INTS13: variants seen among roughly 807,000 people sequenced by gnomAD.
INTS13 encodes integrator complex subunit 13, also known as asunder, spermatogenesis regulator homolog (Drosphila).
Under a neutral mutation model 90.2 loss-of-function variants are expected in INTS13, and 35 were observed. That is an observed-to-expected ratio of 0.39 (90% CI 0.30 to 0.51). The LOEUF is 0.51. Among genes scored for constraint, INTS13 ranks in the 20% least tolerant of loss-of-function variants. The probability of loss-of-function intolerance (pLI) is 0.80; values close to 1 mark genes in which losing one functional copy is unlikely to be tolerated. For missense variants in INTS13, 601 were observed against 851.2 expected (o/e 0.71, Z 3.66); for synonymous variants, 309 against 277.1 (o/e 1.11, Z -1.14).
intron 1 of INTS13, among the ~76,000 whole-genome samples, chr12:26,937,438 T>C (rs557734292): frequency 1.8e-4 from 28 of 152,160 alleles, no homozygotes; most frequent in Non-Finnish European, 4.0e-4. Context: ...ATTTACCAGG[T>C]AGAGCAGAAA....
rs34036164 is a variant in INTS13 at position 26,913,597 on chromosome 12, T to A, written c.1665A>T (p.Glu555Asp). ...GTTTGCTCCTGCATGCCATCAGACATTCCAAGACTCTTTGATGTTTCTCTG... is the reference window on the plus strand; with the variant it reads ...GTTTGCTCCTGCATGCCATCAGACAATCCAAGACTCTTTGATGTTTCTCTG... The part of the protein sequence containing the change: ...NNSEKHQRVL[E>D]CLMACRSKPP... The change falls in exon 14 of 17, where the codon GAA becomes GAT. Residue 555 changes from glutamate (E) to aspartate (D), a missense_variant. By Grantham distance (45) the Glu-to-Asp change is conservative. Transcript: ENST00000261191. 1.0e-3 allele frequency: 1,632 copies of A among 1,614,146 alleles called. 3 individuals are homozygous for A. The African/African-American group carries it at 0.012, about 12-fold the overall frequency.
At chr12:26,936,489 G>T in intron 2 of INTS13, 90 bp downstream of exon 2, 1 of 944,078 alleles carries the variant, frequency 1.1e-6, no homozygotes, top group Non-Finnish European at 1.6e-6. Flanking sequence ...TAAACACACA[G>T]TCATTATCTA....
At chr12:26,938,312 G>C (rs926906085), upstream of INTS13, 1 of 152,246 alleles carries the variant, frequency 6.6e-6, no homozygotes, top group South Asian at 2.1e-4. Flanking sequence ...GGTTTCCCCT[G>C]GAAAAACTCG....
chr12:26,907,091 T>C (rs766519152), intron 15 of INTS13, among the ~76,000 whole-genome samples: 12 of 152,194 alleles, frequency 7.9e-5, no homozygotes, highest in Non-Finnish European at 1.6e-4. Flanking sequence ...CTAATTATAA[T>C]AGTCTCAGGC....
chr12:26,934,430 A>C, intron 3 of INTS13, 126 bp downstream of exon 3: 2 of 692,686 alleles, frequency 2.9e-6, no homozygotes, highest in Non-Finnish European at 5.0e-6. Flanking sequence ...AGCTGTTTTC[A>C]TATGACTTGG....
intron 14 of INTS13, among the ~76,000 whole-genome samples, chr12:26,911,908 A>C (rs1020972016): frequency 1.3e-5 from 2 of 152,224 alleles, no homozygotes; most frequent in African/African-American, 4.8e-5. Context: ...AGCAGCCCTA[A>C]GGAAAACATG....
intron 8 of INTS13, among the ~76,000 whole-genome samples, chr12:26,918,169 T>C (rs1951998085): frequency 6.6e-6 from 1 of 151,850 alleles, no homozygotes; most frequent in Non-Finnish European, 1.5e-5. Flanking sequence ...AAAATAATAA[T>C]AGAGCAAACT....
chr12:26,928,334 G>T, intron 4 of INTS13, 49 bp from the exon 5 acceptor site: 1 of 1,444,320 alleles, frequency 6.9e-7, no homozygotes, highest in South Asian at 1.2e-5. Flanking sequence ...AACAGTAACA[G>T]AAAAAATTCA....
chr12:26,922,085 T>C (rs745491119), intron 8 of INTS13, among the ~76,000 whole-genome samples: 10 of 152,258 alleles, frequency 6.6e-5, no homozygotes, highest in Non-Finnish European at 1.0e-4. Context: ...ATGTGAATCA[T>C]TCCTTTGTCC....
chr12:26,925,960 T>A, intron 5 of INTS13, 109 bp from the exon 6 acceptor site: 1 of 722,594 alleles, frequency 1.4e-6, no homozygotes, highest in Non-Finnish European at 2.3e-6. Flanking sequence ...TTGCTACAAT[T>A]AGATATTACT....
At position 26,914,039 on chromosome 12, in the gene INTS13, A is replaced by T; in HGVS notation, c.1509T>A (p.Asp503Glu). Residue 503 changes from aspartate (D) to glutamate (E), a missense_variant, in exon 13 of 17, where the codon GAT becomes GAA. By Grantham distance (45) the Asp-to-Glu change is conservative. Around this residue, in one of 3 missense-constraint regions of INTS13, gnomAD observed 228 missense variants for 272.5 expected, o/e 0.84. Coordinates refer to ENST00000261191, the MANE Select transcript of INTS13 (RefSeq NM_018164.3). ...GTAGAGGATCATTTTTTCTTTCCATATCAACTAAGTTGTATATTGTTTTTT... is the reference window on the plus strand; with the variant it reads ...GTAGAGGATCATTTTTTCTTTCCATTTCAACTAAGTTGTATATTGTTTTTT... ...NCQKTIYNLV[D>E]MERKNDPLPI... is the part of the protein sequence containing the mutation. The T allele has an allele frequency of 6.2e-7, 1 of 1,611,564 alleles. No homozygotes were observed. The highest frequency in any genetic ancestry group is 1.3e-5 in the African/African-American group (1 of 74,946).
Position 26,936,669 on chromosome 12 carries a change from G to C in INTS13, c.135C>G (p.Ala45=), listed in dbSNP as rs771046535. The part of the protein sequence containing the change: ...KNRTQGIIPL[A]PISKSLWTCS... ...AAGTCCACAATGATTTAGATATGGG[G>C]GCCAAAGGAATGATTCCTTGGGTTC... Residue 45 remains alanine (A), a synonymous_variant, in exon 2 of 17, where the codon GCC becomes GCG. Transcript: ENST00000261191. 1 of 1,613,380 alleles carries C rather than the reference G, an allele frequency of 6.2e-7. No homozygotes were observed. The highest frequency in any genetic ancestry group is 8.5e-7 in the Non-Finnish European group (1 of 1,179,414).
At position 26,916,468 on chromosome 12, in the gene INTS13, T is replaced by C. The variant is rs572740692; in HGVS notation, c.1070-288A>G. Reference sequence around the variant, plus strand: ...TGGTTCATCCAATTACATGTACATATTGAATTTTTCTCCTGGACCTCAAGA... The same window carrying C: ...TGGTTCATCCAATTACATGTACATACTGAATTTTTCTCCTGGACCTCAAGA... On this transcript the variant is annotated intron_variant, in intron 10 of 16. Coordinates refer to ENST00000261191, the MANE Select transcript of INTS13 (RefSeq NM_018164.3). Among the ~76,000 whole-genome samples, 69 of 152,304 alleles carry C rather than the reference T, an allele frequency of 4.5e-4. 2 individuals carry two copies. The highest frequency in any genetic ancestry group is 6.2e-4 in the South Asian group (3 of 4,822).
chr12:26,914,316 A>C (rs991895312), intron 12 of INTS13, 92 bp downstream of exon 12: 6 of 1,339,120 alleles, frequency 4.5e-6, no homozygotes, highest in South Asian at 3.1e-5. Flanking sequence ...TTCTTTGCTT[A>C]AGAAATGGTA....
intron 14 of INTS13, among the ~76,000 whole-genome samples, chr12:26,911,897 C>A (rs1951787062): frequency 6.6e-6 from 1 of 152,158 alleles, no homozygotes; most frequent in African/African-American, 2.4e-5. Flanking sequence ...TTCAGAAGCT[C>A]AGCAGCCCTA....
rs762850300 is a variant in INTS13 at position 26,916,053 on chromosome 12, T to C, written c.1197A>G (p.Pro399=). 3 of 1,613,796 alleles carry C rather than the reference T, an allele frequency of 1.9e-6. No individual in the cohort carries two copies. In the South Asian group the frequency reaches 3.3e-5, roughly 18 times the overall value. The change falls in exon 11 of 17, where the codon CCA becomes CCG. Residue 399 remains proline (P), a synonymous_variant. Coordinates refer to ENST00000261191, the MANE Select transcript of INTS13 (RefSeq NM_018164.3). ...CTCCACATCCTTCACTAATTGAAGG[T>C]GGATCTTCTAGAATGGATCGAGAAC... ...LSSSRSILED[P]PSISEGCGGR... is the part of the protein sequence containing the mutation.
Position 26,914,584 on chromosome 12 carries a change from G to A in INTS13, c.1249-6C>T. 6.3e-7 allele frequency: 1 copy of A among 1,599,220 alleles called. No individual in the cohort carries two copies. On this transcript the variant is annotated splice_region_variant and splice_polypyrimidine_tract_variant and intron_variant, in intron 11 of 16. Transcript: ENST00000261191. ...CTCATAAATTCACCAAAATCCTAAT[G>A]ATAACCAAATAAGATAAAATTAGAA...
At chr12:26,909,086 C>T (rs768682353) in intron 15 of INTS13, among the ~76,000 whole-genome samples, 22 of 152,248 alleles carry the variant, frequency 1.4e-4, no homozygotes, top group African/African-American at 5.3e-4. Context: ...GGGGGCTGGG[C>T]GCAGGGACTC....
intron 15 of INTS13, among the ~76,000 whole-genome samples, chr12:26,907,433 TTGTACCTTATAGAAA>T (rs1367496732): frequency 2.0e-5 from 3 of 152,216 alleles, no homozygotes; most frequent in Non-Finnish European, 4.4e-5. Flanking sequence ...GACCCATACT[TTGTACCTTATAGAAA>T]ATAACTCAAA....
Sources: gnomAD v4.1 joint callset for allele counts (sites outside exome capture counted in the v4.1 genomes callset) on GRCh38, gnomAD v4.1.1 for gene constraint, gnomAD v4.1.1 regional missense constraint, MANE v1.5 for transcripts, NCBI Gene and HGNC (gene_info 2026-07-23, HGNC 2026-07-21) for gene names.